Variants in ATP2B2 observed in about 807,000 individuals in gnomAD.
ATP2B2 encodes the protein plasma membrane calcium-transporting ATPase 2.
A neutral mutation model predicts 120.0 loss-of-function variants in ATP2B2; 15 were observed. The ratio of observed to expected loss-of-function variants is 0.12; its 90% CI spans 0.08 to 0.19. The LOEUF (loss-of-function observed/expected upper bound fraction) is 0.19. Among genes scored for constraint, ATP2B2 ranks in the 10% least tolerant of loss-of-function variants. ATP2B2 has a pLI of 1.00. For missense variants in ATP2B2, 1,045 were observed against 1,719.8 expected (o/e 0.61, Z 6.94); for synonymous variants, 694 against 700.3 (o/e 0.99, Z 0.14).
intron 1 of ATP2B2, among the ~76,000 whole-genome samples, chr3:10,632,451 T>A (rs2125639964): frequency 6.6e-6 from 1 of 152,324 alleles, no homozygotes; most frequent in South Asian, 2.1e-4. Context: ...TTCAGGAATG[T>A]CCCTACACTG....
intron 2 of ATP2B2, among the ~76,000 whole-genome samples, chr3:10,581,925 A>G (rs1339337181): frequency 6.6e-6 from 1 of 152,244 alleles, no homozygotes; most frequent in Non-Finnish European, 1.5e-5. Flanking sequence ...CAGAGCACAA[A>G]TAAGATCCAA....
intron 6 of ATP2B2, among the ~76,000 whole-genome samples, chr3:10,387,157 G>A (rs760096040): frequency 3.9e-5 from 6 of 152,170 alleles, no homozygotes; most frequent in African/African-American, 4.8e-5. Context: ...TGTCCTCTGG[G>A]ACTCTTAGTC....
intron 1 of ATP2B2, among the ~76,000 whole-genome samples, chr3:10,454,957 T>C (rs946751551): frequency 6.6e-6 from 1 of 152,160 alleles, no homozygotes; most frequent in East Asian, 1.9e-4. Flanking sequence ...CTTCACACTG[T>C]ATTGCTTGAG....
At chr3:10,390,156 C>T (rs564121924) in intron 5 of ATP2B2, among the ~76,000 whole-genome samples, 31 of 152,184 alleles carry the variant, frequency 2.0e-4, no homozygotes, top group Non-Finnish European at 2.9e-4. Flanking sequence ...AGTGACTCTC[C>T]GACATGCCAT....
At chr3:10,359,460 T>C (rs761417243) in intron 13 of ATP2B2, among the ~76,000 whole-genome samples, 2 of 152,082 alleles carry the variant, frequency 1.3e-5, no homozygotes, top group Non-Finnish European at 2.9e-5. Context: ...ATTTGCTTAG[T>C]TCACCAGGCT....
chr3:10,677,177 G>A (rs1440334171), intron 1 of ATP2B2, among the ~76,000 whole-genome samples: 5 of 152,212 alleles, frequency 3.3e-5, no homozygotes, highest in African/African-American at 1.2e-4. Flanking sequence ...CCTCCAGTAG[G>A]TGAATGGATA....
At chr3:10,495,740 A>C (rs2066120638) in intron 1 of ATP2B2, among the ~76,000 whole-genome samples, 1 of 152,228 alleles carries the variant, frequency 6.6e-6, no homozygotes, top group Non-Finnish European at 1.5e-5. Context: ...TGAGTGCAGG[A>C]GTGGCCCAGG....
rs140734692 is a variant in ATP2B2 at position 10,395,287 on chromosome 3, T to A, written c.781+5666A>T. On this transcript the variant is annotated intron_variant, in intron 5 of 22. Coordinates refer to ENST00000360273, the MANE Select transcript of ATP2B2 (RefSeq NM_001001331.4). ...TGCAGGAGACCAAAGAGGCAGGACA[T>A]CCAAGTGGCATGCAGGACCCCACAT... is the stretch of plus-strand genomic sequence containing the variant. Among the ~76,000 whole-genome samples the A allele has an allele frequency of 6.6e-5, 10 of 152,310 alleles. No homozygotes were observed. The East Asian group carries it at 1.7e-3, about 26-fold the overall frequency.
chr3:10,548,327 C>G (rs546055193), intron 2 of ATP2B2, among the ~76,000 whole-genome samples: 120 of 152,346 alleles, frequency 7.9e-4, no homozygotes, highest in Non-Finnish European at 8.8e-4. Context: ...TCCCACAGAT[C>G]TAACCACCAT....
intron 1 of ATP2B2, among the ~76,000 whole-genome samples, chr3:10,661,942 A>G (rs1203519941): frequency 1.3e-5 from 2 of 152,142 alleles, no homozygotes; most frequent in Non-Finnish European, 2.9e-5. Flanking sequence ...CAGAAATAAT[A>G]CCACACATCT....
chr3:10,638,721 T>C (rs891260593), intron 1 of ATP2B2, among the ~76,000 whole-genome samples: 2 of 152,194 alleles, frequency 1.3e-5, no homozygotes, highest in African/African-American at 4.8e-5. Flanking sequence ...ATAAGAAATG[T>C]GCTTCAAATA....
chr3:10,525,039 G>C (rs905906541), intron 3 of ATP2B2, among the ~76,000 whole-genome samples: 1 of 152,188 alleles, frequency 6.6e-6, no homozygotes, highest in East Asian at 1.9e-4. Flanking sequence ...CTCAGAACAG[G>C]AGCTACCTAT....
At chr3:10,336,019 G>C (rs2060106887) in intron 22 of ATP2B2, 3 of 1,319,672 alleles carry the variant, frequency 2.3e-6, no homozygotes. Context: ...TCATCCCCCT[G>C]GGCCTGATTG....
intron 3 of ATP2B2, among the ~76,000 whole-genome samples, chr3:10,527,890 C>T (rs367721486): frequency 8.7e-5 from 13 of 150,012 alleles, no homozygotes; most frequent in Non-Finnish European, 1.5e-4. Flanking sequence ...AAGGTGGCCA[C>T]GGCACCGAGG....
Position 10,340,745 on chromosome 3 carries a change from G to T in ATP2B2, c.2918-41C>A. The stretch of plus-strand genomic sequence containing the variant: ...GTGGGGCTGGGCTGAAGGCAGTGGT[G>T]GGGGAATCAGAGGGGAGATGCCTGG... On this transcript the variant is annotated intron_variant, in intron 19 of 22. Coordinates refer to ENST00000360273, the MANE Select transcript of ATP2B2 (RefSeq NM_001001331.4). The surrounding 1 kb of genome is among the most constrained non-coding windows in gnomAD (Gnocchi z 5.0). 1 of 1,606,906 alleles carries T rather than the reference G, an allele frequency of 6.2e-7. No homozygotes were observed. Among genetic ancestry groups the T allele is most frequent in the South Asian group, 1.1e-5 (1 of 90,882 alleles).
chr3:10,345,259 C>T, intron 18 of ATP2B2, 125 bp downstream of exon 18: 1 of 1,102,482 alleles, frequency 9.1e-7, no homozygotes, highest in Non-Finnish European at 1.3e-6. Context: ...GCAGGTGCTC[C>T]ATCGATGGGT....
intron 2 of ATP2B2, among the ~76,000 whole-genome samples, chr3:10,573,523 T>A (rs2068174734): frequency 1.3e-5 from 2 of 152,168 alleles, no homozygotes; most frequent in South Asian, 4.1e-4. Context: ...CAAATTTTGG[T>A]CAATTTCAGA....
At position 10,340,309 on chromosome 3, in the gene ATP2B2, G is replaced by C; in HGVS notation, c.3170C>G (p.Ser1057Cys). ...VQFGGKPFSC[S>C]PLQLDQWMWC... is the part of the protein sequence containing the mutation. ...CATCCACTGGTCCAGCTGCAGTGGAGAGCAGCTGAATGGCTTCCCTCCAAA... is the reference window on the plus strand; with the variant it reads ...CATCCACTGGTCCAGCTGCAGTGGACAGCAGCTGAATGGCTTCCCTCCAAA... Residue 1057 changes from serine (S) to cysteine (C), a missense_variant, in exon 21 of 23, where the codon TCT becomes TGT. Transcript: ENST00000360273. The surrounding 1 kb of genome is among the most constrained non-coding windows in gnomAD (Gnocchi z 5.0). 1 of 1,614,206 alleles carries C rather than the reference G, an allele frequency of 6.2e-7. No individual in the cohort carries two copies. The highest frequency in any genetic ancestry group is 8.5e-7 in the Non-Finnish European group (1 of 1,180,040).
rs1281662606 is a variant in ATP2B2 at position 10,358,813 on chromosome 3, T to C, written c.2014A>G (p.Ile672Val). 10 of 1,614,220 alleles carry C rather than the reference T, an allele frequency of 6.2e-6. No homozygotes were observed. Among genetic ancestry groups the C allele is most frequent in the Non-Finnish European group, 8.5e-6 (10 of 1,180,036 alleles). The change falls in exon 14 of 23, where the codon ATC becomes GTC. Residue 672 changes from isoleucine (I) to valine (V), a missense_variant. Ile to Val is a conservative substitution (Grantham distance 29, BLOSUM62 3). Transcript: ENST00000360273. ...GGGAAGTCGCGGTAGGCCACGCAGATAGTGCGGAGCCCATCGCAAGCCATG... is the reference window on the plus strand; with the variant it reads ...GGGAAGTCGCGGTAGGCCACGCAGACAGTGCGGAGCCCATCGCAAGCCATG... ...EPMACDGLRT[I>V]CVAYRDFPSS...
Sources: gnomAD v4.1 joint callset for allele counts (sites outside exome capture counted in the v4.1 genomes callset) on GRCh38, gnomAD v4.1.1 for gene constraint, Gnocchi (gnomAD v3.1) non-coding constraint, MANE v1.5 for transcripts, NCBI Gene and HGNC (gene_info 2026-07-23, HGNC 2026-07-21) for gene names.